The following CNIH3 variants were observed in gnomAD, a reference collection of about 807,000 sequenced individuals.
The protein encoded by CNIH3 is cornichon family AMPA receptor auxiliary protein 3.
CNIH3 carries 14 observed loss-of-function variants against 24.1 expected under a neutral mutation model. That is an observed-to-expected ratio of 0.58 (90% confidence interval 0.38 to 0.91). The LOEUF is 0.91. CNIH3 is among the 40% of genes least tolerant of loss of function. CNIH3 has a pLI of 0.00. For synonymous variants in CNIH3, 68 were observed against 73.8 expected (o/e 0.92, Z 0.40); for missense variants, 178 against 196.8 (o/e 0.90, Z 0.57).
At chr1:224,502,917 G>C (rs920191404) in intron 1 of CNIH3, among the ~76,000 whole-genome samples, 9 of 152,228 alleles carry the variant, frequency 5.9e-5, no homozygotes, top group African/African-American at 1.7e-4. Context: ...GAGTTGACAG[G>C]GGGTAGAACA....
At chr1:224,548,759 G>A (rs1259703548) in intron 3 of CNIH3, among the ~76,000 whole-genome samples, 4 of 146,590 alleles carry the variant, frequency 2.7e-5, no homozygotes, top group Non-Finnish European at 6.1e-5. Flanking sequence ...AATATCACAG[G>A]GGGTGTACAC....
intron 1 of CNIH3, among the ~76,000 whole-genome samples, chr1:224,476,823 A>G (rs1376279193): frequency 6.6e-6 from 1 of 152,210 alleles, no homozygotes; most frequent in African/African-American, 2.4e-5. Flanking sequence ...ATATGAAACC[A>G]CAAAAGACCT....
At chr1:224,477,178 AG>A (rs367587483) in intron 1 of CNIH3, among the ~76,000 whole-genome samples, 92 of 152,354 alleles carry the variant, frequency 6.0e-4, no homozygotes, top group African/African-American at 2.2e-3. Flanking sequence ...GGGAGCCTGC[AG>A]GGGTGATGAA....
At chr1:224,737,173 T>A (rs1689634155) in intron 5 of CNIH3, among the ~76,000 whole-genome samples, 1 of 147,724 alleles carries the variant, frequency 6.8e-6, no homozygotes, top group Non-Finnish European at 1.5e-5. Flanking sequence ...GAAGAAGCCA[T>A]ATGAGTTCAC....
At chr1:224,650,810 C>G (rs751260842) in intron 1 of CNIH3, among the ~76,000 whole-genome samples, 2 of 152,118 alleles carry the variant, frequency 1.3e-5, no homozygotes, top group Non-Finnish European at 2.9e-5. Flanking sequence ...GAGAAGACTC[C>G]TTGGGTCTCT....
chr1:224,583,846 A>T (rs10916650), intron 5 of CNIH3, among the ~76,000 whole-genome samples: 60,598 of 152,092 alleles, frequency 0.4, 12,606 homozygotes, highest in East Asian at 0.59. Flanking sequence ...GTGGTGGCAA[A>T]GGAAATGGAT....
intron 2 of CNIH3, among the ~76,000 whole-genome samples, chr1:224,534,904 A>AGGTGCC (rs1679223263): frequency 6.6e-6 from 1 of 152,170 alleles, no homozygotes. Flanking sequence ...TGGCAGGTGC[A>AGGTGCC]GGTGCCACCC....
intron 3 of CNIH3, among the ~76,000 whole-genome samples, chr1:224,566,032 T>G (rs63051761): frequency 3.3e-5 from 1 of 30,024 alleles, no homozygotes; most frequent in Non-Finnish European, 5.2e-5. Context: ...TGGCTTTCTG[T>G]TTTTTTTTTT....
At chr1:224,479,214 C>T (rs1455776190) in intron 1 of CNIH3, among the ~76,000 whole-genome samples, 12 of 134,582 alleles carry the variant, frequency 8.9e-5, no homozygotes, top group Non-Finnish European at 1.5e-4. Flanking sequence ...AGTGCAATGG[C>T]GCAATCTCGG....
chr1:224,575,630 A>G (rs1681004688), intron 4 of CNIH3, among the ~76,000 whole-genome samples: 1 of 152,012 alleles, frequency 6.6e-6, no homozygotes, highest in African/African-American at 2.4e-5. Context: ...CCCTTTTCTG[A>G]CCAAAGAGAA....
intron 3 of CNIH3, among the ~76,000 whole-genome samples, chr1:224,594,608 C>T (rs928616626): frequency 6.6e-6 from 1 of 152,152 alleles, no homozygotes; most frequent in African/African-American, 2.4e-5. Flanking sequence ...AAAATCTAGG[C>T]CACGGCCTTT....
At chr1:224,717,879 T>C (rs1360052199) in intron 3 of CNIH3, 1 of 152,210 alleles carries the variant, frequency 6.6e-6, no homozygotes, top group Non-Finnish European at 1.5e-5. Flanking sequence ...TAAATTAGTG[T>C]CGAGTCAACA....
At chr1:224,575,552 G>A (rs1681001490) in intron 4 of CNIH3, among the ~76,000 whole-genome samples, 4 of 152,006 alleles carry the variant, frequency 2.6e-5, no homozygotes, top group African/African-American at 7.2e-5. Flanking sequence ...GATCTGAAGA[G>A]CCCTGTCAAT....
chr1:224,724,421 G>A (rs1318817023), intron 3 of CNIH3, among the ~76,000 whole-genome samples: 1 of 152,196 alleles, frequency 6.6e-6, no homozygotes, highest in Non-Finnish European at 1.5e-5. Context: ...TGAGAGCAAA[G>A]GGGCCCAGAA....
At chr1:224,513,400 G>A (rs892856424), upstream of CNIH3, among the ~76,000 whole-genome samples, 8 of 150,398 alleles carry the variant, frequency 5.3e-5, no homozygotes, top group Non-Finnish European at 7.4e-5. Context: ...GGCTGGTCTC[G>A]AACTCCTGGA....
chr1:224,517,199 C>T (rs1455663122), intron 1 of CNIH3, among the ~76,000 whole-genome samples: 2 of 152,120 alleles, frequency 1.3e-5, no homozygotes, highest in African/African-American at 4.8e-5. Flanking sequence ...GTGGGATGAC[C>T]TCCATACTCC....
At chr1:224,596,227 C>A (rs1201701643) in intron 3 of CNIH3, among the ~76,000 whole-genome samples, 2 of 152,198 alleles carry the variant, frequency 1.3e-5, no homozygotes, top group Non-Finnish European at 2.9e-5. Context: ...TAAGTTGAAG[C>A]CAATGCTCAT....
chr1:224,519,343 G>T (rs1210892965), intron 1 of CNIH3, among the ~76,000 whole-genome samples: 1 of 152,114 alleles, frequency 6.6e-6, no homozygotes, highest in Non-Finnish European at 1.5e-5. Context: ...ACTTCTGTCT[G>T]TGGACTGAGA....
At chr1:224,497,258 C>T (rs959785112) in intron 1 of CNIH3, among the ~76,000 whole-genome samples, 5 of 152,194 alleles carry the variant, frequency 3.3e-5, no homozygotes, top group Admixed American at 6.5e-5. Context: ...TACAAGATTT[C>T]TTCCTGGGGT....
Sources: gnomAD v4.1 joint callset for allele counts (sites outside exome capture counted in the v4.1 genomes callset) on GRCh38, gnomAD v4.1.1 for gene constraint, MANE v1.5 for transcripts, NCBI Gene and HGNC (gene_info 2026-07-23, HGNC 2026-07-21) for gene names.